Variants in TMEM63C observed in about 807,000 individuals in gnomAD.
TMEM63C encodes osmosensitive cation channel TMEM63C.
In TMEM63C, 32 loss-of-function variants were observed where a neutral mutation model predicts 99.2. The observed-to-expected ratio is 0.32, with a 90% confidence interval of 0.24 to 0.43. TMEM63C has a LOEUF of 0.43. Among genes scored for constraint, TMEM63C ranks in the 20% least tolerant of loss-of-function variants. The pLI is 1.00. For missense variants in TMEM63C, 826 were observed against 1,053.0 expected (o/e 0.78, Z 2.98); for synonymous variants, 376 against 397.9 (o/e 0.94, Z 0.66).
chr14:77,218,196 T>C (rs1463166851), intron 2 of TMEM63C, among the ~76,000 whole-genome samples: 1 of 139,530 alleles, frequency 7.2e-6, no homozygotes, highest in East Asian at 2.4e-4. Flanking sequence ...AGGTACTCCA[T>C]AAATATATAC....
At chr14:77,225,818 T>G (rs979513026) in intron 6 of TMEM63C, among the ~76,000 whole-genome samples, 6 of 152,050 alleles carry the variant, frequency 3.9e-5, no homozygotes, top group African/African-American at 1.4e-4. Flanking sequence ...TCATTCAACA[T>G]ATCATGTGTT....
chr14:77,194,364 GTGTGTGTGTGTGTGTGTGTA>G (rs1566616166), intron 1 of TMEM63C, among the ~76,000 whole-genome samples: 99 of 150,532 alleles, frequency 6.6e-4, no homozygotes, highest in Middle Eastern at 6.9e-3. Context: ...GTGTGTGTGT[GTGTGTGTGTGTGTGTGTGTA>G]TGTTCATATT....
intron 17 of TMEM63C, 43 bp downstream of exon 17, chr14:77,246,069 CT>C: frequency 6.7e-7 from 1 of 1,497,104 alleles, no homozygotes; most frequent in Non-Finnish European, 9.3e-7. Flanking sequence ...GCCAGGCTCT[CT>C]TAGAGTTAAG....
intron 2 of TMEM63C, among the ~76,000 whole-genome samples, chr14:77,218,392 C>T (rs1888631097): frequency 1.3e-5 from 2 of 152,186 alleles, no homozygotes; most frequent in African/African-American, 4.8e-5. Flanking sequence ...GTTCCGTGAA[C>T]ACAGCGGTTT....
chr14:77,193,821 C>G (rs1295436217), intron 1 of TMEM63C, among the ~76,000 whole-genome samples: 1 of 143,624 alleles, frequency 7.0e-6, no homozygotes, highest in Admixed American at 7.2e-5. Flanking sequence ...GCAACAAGAG[C>G]GAAACTCCGT....
At chr14:77,223,216 G>A (rs551539287) in intron 5 of TMEM63C, among the ~76,000 whole-genome samples, 2 of 151,500 alleles carry the variant, frequency 1.3e-5, no homozygotes, top group South Asian at 4.2e-4. Flanking sequence ...TTTTTTTCTT[G>A]TTACAATGAC....
At chr14:77,222,516 G>C (rs1205361140) in intron 5 of TMEM63C, among the ~76,000 whole-genome samples, 1 of 152,202 alleles carries the variant, frequency 6.6e-6, no homozygotes, top group Admixed American at 6.5e-5. Context: ...TTCTGCTGCA[G>C]AGACCTTCAC....
chr14:77,254,021 G>C (rs72679184), intron 23 of TMEM63C, among the ~76,000 whole-genome samples: 7,247 of 152,312 alleles, frequency 0.048, 332 homozygotes, highest in African/African-American at 0.12. Flanking sequence ...CAAGGCCAGG[G>C]CTCCTGGGAG....
chr14:77,228,623 G>A (rs1225461338), intron 6 of TMEM63C, among the ~76,000 whole-genome samples: 2 of 150,546 alleles, frequency 1.3e-5, no homozygotes, highest in Non-Finnish European at 2.9e-5. Context: ...TGCAACCTCC[G>A]CCTCCCACGT....
At chr14:77,232,775 A>G (rs1888967567) in intron 7 of TMEM63C, among the ~76,000 whole-genome samples, 1 of 152,198 alleles carries the variant, frequency 6.6e-6, no homozygotes, top group African/African-American at 2.4e-5. Flanking sequence ...CTGTATGAAG[A>G]CTGTACAACT....
In TMEM63C at chr14:77,219,773, CT is replaced by C. The variant is rs570903011; in HGVS notation, c.230+197del. ...CCTGGGCACAAGGCCGTGTTTTTCT[CT>C]GGTCTTAGACTTTCTGGATCACGTG... On this transcript the variant is annotated intron_variant, in intron 4 of 23. Transcript: ENST00000298351. Among the ~76,000 whole-genome samples the C allele has an allele frequency of 2.7e-3, 418 of 152,350 alleles. 5 individuals carry two copies. The highest frequency in any genetic ancestry group is 9.6e-3 in the African/African-American group (398 of 41,580).
At chr14:77,234,880 GCTGTGCAACCATGGGGGC>G (rs1197246147) in intron 8 of TMEM63C, among the ~76,000 whole-genome samples, 11 of 152,168 alleles carry the variant, frequency 7.2e-5, no homozygotes, top group African/African-American at 2.7e-4. Context: ...CACTTGGTCT[GCTGTGCAACCATGGGGGC>G]CTGAGCCACA....
chr14:77,215,588 G>A (rs1888565102), intron 2 of TMEM63C, among the ~76,000 whole-genome samples: 1 of 51,130 alleles, frequency 2.0e-5, no homozygotes, highest in Admixed American at 2.0e-4. Context: ...GCGACAGAGT[G>A]AGACTCTGTC....
At chr14:77,223,070 A>T (rs1477572881) in intron 5 of TMEM63C, among the ~76,000 whole-genome samples, 1 of 152,066 alleles carries the variant, frequency 6.6e-6, no homozygotes, top group Non-Finnish European at 1.5e-5. Context: ...CACTTGCTAG[A>T]ATCTGCCCTC....
At chr14:77,242,806 AG>A in intron 14 of TMEM63C, 96 bp from the exon 15 acceptor site, 1 of 1,437,150 alleles carries the variant, frequency 7.0e-7, no homozygotes, top group Non-Finnish European at 9.7e-7. Context: ...GGATTAGACC[AG>A]GGCAGGCTGG....
At chr14:77,207,543 C>T (rs17812332) in intron 1 of TMEM63C, among the ~76,000 whole-genome samples, 23,939 of 152,226 alleles carry the variant, frequency 0.16, 2,277 homozygotes, top group Middle Eastern at 0.29. Flanking sequence ...TCGGAGGCTG[C>T]GTGATGTAGT....
At chr14:77,242,272 C>T (rs1889190534) in intron 13 of TMEM63C, 75 bp from the exon 14 acceptor site, 1 of 1,552,148 alleles carries the variant, frequency 6.4e-7, no homozygotes, top group East Asian at 2.3e-5. Context: ...GCCCTGAGCT[C>T]CTGGCATGAG....
Position 77,219,662 on chromosome 14 carries a change from C to T in TMEM63C, c.230+85C>T, listed in dbSNP as rs866942249. ...CCAGGACGCAGCTCTGCCCAGCGCCCGAGCTGCAGCAGGTGTCTCGCCAGC... is the reference window on the plus strand; with the variant it reads ...CCAGGACGCAGCTCTGCCCAGCGCCTGAGCTGCAGCAGGTGTCTCGCCAGC... On this transcript the variant is annotated intron_variant, in intron 4 of 23. Coordinates refer to ENST00000298351, the MANE Select transcript of TMEM63C (RefSeq NM_020431.4). 2.9e-5 allele frequency: 41 copies of T among 1,408,800 alleles called. No individual in the cohort carries two copies. The Middle Eastern group carries it at 1.7e-3, about 57-fold the overall frequency. The allele number at this position is 1,408,800 out of a possible 1,614,324, so 87.3% of individuals were successfully genotyped here.
intron 3 of TMEM63C, 70 bp from the exon 4 acceptor site, chr14:77,219,428 T>A: frequency 1.3e-6 from 2 of 1,523,792 alleles, no homozygotes; most frequent in Non-Finnish European, 1.8e-6. Context: ...CCCAAGGGAA[T>A]GCAGGGGGCC....
Sources: gnomAD v4.1 joint callset for allele counts (sites outside exome capture counted in the v4.1 genomes callset) on GRCh38, gnomAD v4.1.1 for gene constraint, MANE v1.5 for transcripts, NCBI Gene and HGNC (gene_info 2026-07-23, HGNC 2026-07-21) for gene names.